The following THEM6 variants were observed in gnomAD, a reference collection of about 807,000 sequenced individuals.
The protein encoded by THEM6 is thioesterase superfamily member 6, also known as protein THEM6.
A neutral mutation model predicts 13.7 loss-of-function variants in THEM6; 10 were observed. The observed-to-expected ratio is 0.73, with a 90% CI of 0.45 to 1.24. THEM6 has a LOEUF of 1.24. Ranked by LOEUF, THEM6 falls within the 50% of genes most tolerant of loss-of-function variation. The pLI is 0.00. For synonymous variants in THEM6, 161 were observed against 156.0 expected, an observed-to-expected ratio of 1.03 and a Z score of -0.24; for missense variants, 317 against 312.6, an observed-to-expected ratio of 1.01 and a Z score of -0.11.
chr8:142,733,422 C>T (rs1181390720), intron 1 of THEM6, among the ~76,000 whole-genome samples: 3 of 152,192 alleles, frequency 2.0e-5, no homozygotes, highest in Non-Finnish European at 1.5e-5. Flanking sequence ...ACTATTTATT[C>T]CTAATTAGAT....
chr8:142,731,020 C>T (rs1382400728), intron 1 of THEM6, among the ~76,000 whole-genome samples: 2 of 152,230 alleles, frequency 1.3e-5, no homozygotes, highest in African/African-American at 4.8e-5. Context: ...GCTGGGATTA[C>T]AGGCGTGAGC....
At chr8:142,729,046 TCTC>T (rs1554642716) in intron 1 of THEM6, among the ~76,000 whole-genome samples, 1 of 151,388 alleles carries the variant, frequency 6.6e-6, no homozygotes, top group Non-Finnish European at 1.5e-5. Flanking sequence ...TTCACGCCAT[TCTC>T]CTGCTTCAGC....
intron 1 of THEM6, 39 bp from the exon 2 acceptor site, chr8:142,735,287 C>T (rs1815733004): frequency 6.8e-7 from 1 of 1,464,604 alleles, no homozygotes; most frequent in Non-Finnish European, 9.3e-7. Context: ...GGTGGGAAGG[C>T]CGTAGCTTAG....
intron 1 of THEM6, among the ~76,000 whole-genome samples, chr8:142,728,627 G>A: frequency 6.6e-6 from 1 of 152,224 alleles, no homozygotes; most frequent in East Asian, 1.9e-4. Context: ...GAGGGTCAAC[G>A]TCTCATCTCA....
chr8:142,728,863 C>T (rs1281879678), intron 1 of THEM6, among the ~76,000 whole-genome samples: 2 of 151,440 alleles, frequency 1.3e-5, no homozygotes, highest in Non-Finnish European at 2.9e-5. Context: ...GAGATGTGAT[C>T]TGCTACAAGG....
chr8:142,732,034 T>C (rs1319552163), intron 1 of THEM6, among the ~76,000 whole-genome samples: 1 of 150,994 alleles, frequency 6.6e-6, no homozygotes, highest in East Asian at 1.9e-4. Context: ...TGGTCTTTCC[T>C]TTGTCTCTGC....
chr8:142,731,870 C>T (rs1284579136), intron 1 of THEM6, among the ~76,000 whole-genome samples: 7 of 152,088 alleles, frequency 4.6e-5, no homozygotes, highest in African/African-American at 7.2e-5. Context: ...GGCTGCAGTC[C>T]GGCCCCGGCA....
chr8:142,734,744 TG>T, intron 1 of THEM6: 1 of 154,586 alleles, frequency 6.5e-6, no homozygotes, highest in Non-Finnish European at 1.4e-5. Flanking sequence ...CACCCTGAAG[TG>T]GGGGTGGGCC....
chr8:142,730,242 C>T (rs1371065854), intron 1 of THEM6, among the ~76,000 whole-genome samples: 7 of 151,848 alleles, frequency 4.6e-5, no homozygotes, highest in Non-Finnish European at 7.4e-5. Context: ...CTTGGCTCTG[C>T]GGATGGCAGT....
rs587679991 is a variant in THEM6, at chr8:142,732,235, T to C, written c.514-3091T>C. Among the ~76,000 whole-genome samples, 366 of 134,882 alleles carry C rather than the reference T, an allele frequency of 2.7e-3. 2 individuals carry two copies. The highest frequency in any genetic ancestry group is 0.015 in the Middle Eastern group (4 of 268). 88.5% of individuals were successfully genotyped at this position (134,882 alleles called of 152,430 possible). ...TAACTACTGGAGGTTTGTGTGAGGT[T>C]CAACCCCCTGAAATTAATGGAAGAC... On this transcript the variant is annotated intron_variant, in intron 1 of 1. Transcript: ENST00000336138.
In THEM6 at chr8:142,727,397, G is replaced by C. The variant is rs376971968; in HGVS notation, c.51G>C (p.Ala17=). 7.8e-5 allele frequency: 119 copies of C among 1,529,964 alleles called. No homozygotes were observed. The African/African-American group carries it at 1.4e-3, about 17-fold the overall frequency. The allele number at this position is 1,529,964 out of a possible 1,614,324, so 94.8% of individuals were successfully genotyped here. Residue 17 remains alanine, a synonymous_variant, in exon 1 of 2, where the codon GCG becomes GCC. Transcript: ENST00000336138. ...ALLALGLAVF[A]LLDVWYLVRL... ...TGGCCCTGGGGCTCGCTGTCTTTGC[G>C]CTGCTGGACGTCTGGTACCTGGTGC...
Position 142,727,525 on chromosome 8 carries a change from A to G in THEM6, c.179A>G (p.Asp60Gly). The change falls in exon 1 of 2, where the codon GAC (aspartate) becomes GGC (glycine). Residue 60 changes from aspartate (D) to glycine (G), a missense_variant. By Grantham distance (94) the Asp-to-Gly change is moderately conservative (BLOSUM62 -1). Coordinates refer to ENST00000336138, the MANE Select transcript of THEM6 (RefSeq NM_016647.3). ...FPGRVLPSDL[D>G]LLLHMNNARY... is the part of the protein sequence containing the mutation. ...GGCCGCGTGCTGCCCTCGGACTTGG[A>G]CCTGCTGCTGCACATGAACAACGCG... The G allele has an allele frequency of 6.3e-7, 1 of 1,578,836 alleles. No homozygotes were observed. The highest frequency in any genetic ancestry group is 1.1e-5 in the South Asian group (1 of 88,100).
intron 1 of THEM6, among the ~76,000 whole-genome samples, chr8:142,729,656 C>T (rs1361085988): frequency 6.6e-6 from 1 of 151,988 alleles, no homozygotes; most frequent in Admixed American, 6.6e-5. Context: ...TATGTCAATC[C>T]CCATACCACA....
intron 1 of THEM6, among the ~76,000 whole-genome samples, chr8:142,732,937 ATAAAT>A (rs1217418594): frequency 1.3e-5 from 2 of 152,232 alleles, no homozygotes; most frequent in African/African-American, 4.8e-5. Flanking sequence ...GCAGTTGAAC[ATAAAT>A]TTAATTTACT....
chr8:142,727,293 A>ACACCGG lies in THEM6; in HGVS notation c.-46_-41dup, dbSNP rs1815508169. On this transcript the variant is annotated 5_prime_UTR_variant, in exon 1 of 2. Coordinates refer to ENST00000336138, the MANE Select transcript of THEM6 (RefSeq NM_016647.3). ...GCGGGCACCGTAACCAGCGCCGCGG[A>ACACCGG]CACCGGCACCGGCGCCACGGACTCC... 5 of 1,410,280 alleles carry ACACCGG rather than the reference A, an allele frequency of 3.5e-6. No individual in the cohort carries two copies. The highest frequency in any genetic ancestry group is 3.3e-5 in the Admixed American group (1 of 30,664). The allele number at this position is 1,410,280 out of a possible 1,614,324, so 87.4% of individuals were successfully genotyped here.
At chr8:142,732,190 ATATATATATATATATATT>A (rs1189000409) in intron 1 of THEM6, among the ~76,000 whole-genome samples, 39 of 94,454 alleles carry the variant, frequency 4.1e-4, no homozygotes, top group East Asian at 2.6e-3. Context: ...ATATATATAT[ATATATATATATATATATT>A]TTAACTACTG....
intron 1 of THEM6, among the ~76,000 whole-genome samples, chr8:142,733,498 T>C (rs1587584398): frequency 6.6e-6 from 1 of 152,180 alleles, no homozygotes; most frequent in South Asian, 2.1e-4. Context: ...TCGGAATGCC[T>C]CTTTCTGGGG....
At chr8:142,733,605 A>C (rs1815699090) in intron 1 of THEM6, among the ~76,000 whole-genome samples, 1 of 152,116 alleles carries the variant, frequency 6.6e-6, no homozygotes, top group African/African-American at 2.4e-5. Context: ...TCATGTCAGG[A>C]ATGGGGAAAC....
At chr8:142,734,010 C>G (rs1419359519) in intron 1 of THEM6, among the ~76,000 whole-genome samples, 1 of 152,180 alleles carries the variant, frequency 6.6e-6, no homozygotes, top group Non-Finnish European at 1.5e-5. Flanking sequence ...GATGAAGCCT[C>G]CAGGCTGCAG....
Sources: gnomAD v4.1 joint callset for allele counts (sites outside exome capture counted in the v4.1 genomes callset) on GRCh38, gnomAD v4.1.1 for gene constraint, MANE v1.5 for transcripts, NCBI Gene and HGNC (gene_info 2026-07-23, HGNC 2026-07-21) for gene names.